Variants in GNAL observed in about 807,000 individuals in gnomAD.
GNAL encodes the protein G protein subunit alpha L.
Under a neutral mutation model 55.1 loss-of-function variants are expected in GNAL, and 18 were observed. That is an observed-to-expected ratio of 0.33 (90% CI 0.23 to 0.48). The LOEUF is 0.48. Among genes scored for constraint, GNAL ranks in the 20% least tolerant of loss-of-function variants. GNAL has a pLI of 0.99. For missense variants in GNAL, 412 were observed against 614.1 expected (o/e 0.67, Z 3.48); for synonymous variants, 253 against 237.0 (o/e 1.07, Z -0.62).
chr18:11,842,418 C>T (rs1034475356), intron 5 of GNAL, among the ~76,000 whole-genome samples: 10 of 152,068 alleles, frequency 6.6e-5, no homozygotes, highest in Non-Finnish European at 1.2e-4. Context: ...CAGTGCATTA[C>T]GTTTACTGTG....
At chr18:11,807,023 G>T (rs2034681768) in intron 4 of GNAL, among the ~76,000 whole-genome samples, 1 of 152,102 alleles carries the variant, frequency 6.6e-6, no homozygotes, top group African/African-American at 2.4e-5. Context: ...GCCGGGCATG[G>T]TGGCGCACGC....
intron 4 of GNAL, among the ~76,000 whole-genome samples, chr18:11,782,339 AAG>A (rs1568024599): frequency 6.6e-6 from 1 of 152,154 alleles, no homozygotes; most frequent in Non-Finnish European, 1.5e-5. Context: ...GAAAAAGAAA[AAG>A]AATGAATTAC....
At chr18:11,880,343 C>T (rs532847775) in intron 11 of GNAL, among the ~76,000 whole-genome samples, 19 of 149,904 alleles carry the variant, frequency 1.3e-4, no homozygotes, top group South Asian at 6.5e-4. Context: ...CCGAGGTGGG[C>T]GGATCACTTG....
intron 1 of GNAL, among the ~76,000 whole-genome samples, chr18:11,723,967 G>A (rs536050365): frequency 2.6e-5 from 4 of 152,322 alleles, no homozygotes; most frequent in African/African-American, 7.2e-5. Flanking sequence ...AAAGGGGGTC[G>A]TACCCTCTAG....
intron 1 of GNAL, among the ~76,000 whole-genome samples, chr18:11,736,395 T>C (rs1406709196): frequency 1.3e-5 from 2 of 152,196 alleles, no homozygotes; most frequent in Non-Finnish European, 2.9e-5. Flanking sequence ...ACCCTATCTC[T>C]ATTATTTTTT....
intron 1 of GNAL, among the ~76,000 whole-genome samples, chr18:11,715,892 A>G (rs894804893): frequency 2.0e-5 from 3 of 152,202 alleles, no homozygotes; most frequent in African/African-American, 7.2e-5. Flanking sequence ...TATGAAAAAA[A>G]AAAAGCTCAA....
At chr18:11,738,092 T>C (rs2032496663) in intron 1 of GNAL, among the ~76,000 whole-genome samples, 1 of 152,220 alleles carries the variant, frequency 6.6e-6, no homozygotes, top group Admixed American at 6.5e-5. Context: ...ACTCAGCAGA[T>C]GAAGGGCTGA....
At chr18:11,769,094 ATATAT>A (rs1481615516) in intron 4 of GNAL, among the ~76,000 whole-genome samples, 1 of 103,484 alleles carries the variant, frequency 9.7e-6, no homozygotes. Context: ...TATATGTAAT[ATATAT>A]TATAATATAG....
chr18:11,754,331 T>C (rs1375254187), intron 4 of GNAL, among the ~76,000 whole-genome samples: 1 of 151,734 alleles, frequency 6.6e-6, no homozygotes, highest in Non-Finnish European at 1.5e-5. Context: ...GCAGGGGAAT[T>C]GCTTGATCGA....
rs2036708512 is a variant in GNAL at position 11,882,120 on chromosome 18, C to G, written c.*985C>G. The G allele has an allele frequency of 6.6e-6, 1 of 152,186 alleles. No homozygotes were observed. The highest frequency in any genetic ancestry group is 1.5e-5 in the Non-Finnish European group (1 of 68,032). 9.4% of individuals were successfully genotyped at this position (152,186 alleles called of 1,614,324 possible). ...GTTATACACGTTAATCATCCACATT[C>G]TATCGACAATGTACCAACATCACAA... On this transcript the variant is annotated 3_prime_UTR_variant, in exon 12 of 12. Transcript: ENST00000334049.
chr18:11,761,337 A>G (rs1415457919), intron 4 of GNAL, among the ~76,000 whole-genome samples: 2 of 152,180 alleles, frequency 1.3e-5, no homozygotes, highest in East Asian at 3.9e-4. Flanking sequence ...CTGACTGCTC[A>G]GGAATCCTCA....
intron 4 of GNAL, among the ~76,000 whole-genome samples, chr18:11,813,167 A>T (rs1258268180): frequency 6.6e-6 from 1 of 151,600 alleles, no homozygotes; most frequent in Non-Finnish European, 1.5e-5. Context: ...AGGCAGGAGA[A>T]TTGGTGGAAC....
At chr18:11,842,261 A>G (rs2035633504) in intron 5 of GNAL, among the ~76,000 whole-genome samples, 1 of 152,100 alleles carries the variant, frequency 6.6e-6, no homozygotes, top group Non-Finnish European at 1.5e-5. Flanking sequence ...GATTACAGGC[A>G]TGAGCCACCG....
intron 1 of GNAL, chr18:11,747,039 GT>G: frequency 2.1e-6 from 1 of 469,358 alleles, no homozygotes; most frequent in South Asian, 1.6e-5. Flanking sequence ...CTTATGCAGG[GT>G]TATGTATATT....
At chr18:11,866,986 A>G (rs553069511) in intron 7 of GNAL, among the ~76,000 whole-genome samples, 182 bp from the exon 8 acceptor site, 1 of 152,144 alleles carries the variant, frequency 6.6e-6, no homozygotes, top group Admixed American at 6.6e-5. Flanking sequence ...CGGCTGAGAG[A>G]GGTGGAGCCA....
intron 1 of GNAL, among the ~76,000 whole-genome samples, chr18:11,708,829 C>T (rs1037061240): frequency 4.6e-5 from 7 of 152,276 alleles, no homozygotes; most frequent in Non-Finnish European, 1.0e-4. Flanking sequence ...CCAATTTTGT[C>T]ATTGTTGCCT....
intron 4 of GNAL, among the ~76,000 whole-genome samples, chr18:11,807,990 A>G (rs2034709038): frequency 6.6e-6 from 1 of 150,894 alleles, no homozygotes; most frequent in Admixed American, 6.6e-5. Context: ...CTCATCACAC[A>G]GGAGAAACCA....
chr18:11,804,775 GA>G, intron 4 of GNAL, among the ~76,000 whole-genome samples: 4 of 128,420 alleles, frequency 3.1e-5, no homozygotes, highest in African/African-American at 3.6e-5. Context: ...GGTGCAGTTT[GA>G]GTGGAACACG....
At chr18:11,863,159 G>A (rs1356427129) in intron 6 of GNAL, among the ~76,000 whole-genome samples, 2 of 152,156 alleles carry the variant, frequency 1.3e-5, no homozygotes, top group African/African-American at 2.4e-5. Context: ...GATTACAGGC[G>A]TGAGCCACCG....
Sources: gnomAD v4.1 joint callset for allele counts (sites outside exome capture counted in the v4.1 genomes callset) on GRCh38, gnomAD v4.1.1 for gene constraint, MANE v1.5 for transcripts, NCBI Gene and HGNC (gene_info 2026-07-23, HGNC 2026-07-21) for gene names.